The following GSE1 variants were observed in gnomAD, a reference collection of about 807,000 sequenced individuals.
The protein encoded by GSE1 is Gse1 coiled-coil protein, also known as genetic suppressor element 1.
GSE1 carries 32 observed loss-of-function variants against 112.6 expected under a neutral mutation model. That is an observed-to-expected ratio of 0.28 (90% CI 0.21 to 0.38). GSE1 has a LOEUF of 0.38. Among genes scored for constraint, GSE1 ranks in the 10% least tolerant of loss-of-function variants. GSE1 has a pLI of 1.00. For missense variants in GSE1, 2,348 were observed against 1,699.2 expected, an observed-to-expected ratio of 1.38 and a Z score of -6.71; for synonymous variants, 1,115 against 735.6, an observed-to-expected ratio of 1.52 and a Z score of -8.35.
chr16:85,475,387 C>G (rs982790594), intron 2 of GSE1, among the ~76,000 whole-genome samples: 3 of 152,332 alleles, frequency 2.0e-5, no homozygotes, highest in South Asian at 2.1e-4. Flanking sequence ...AAGGCTAGGG[C>G]GGGATGCAGG....
chr16:85,178,011 A>T (rs546791221), intron 1 of GSE1, among the ~76,000 whole-genome samples: 2 of 152,190 alleles, frequency 1.3e-5, no homozygotes, highest in Non-Finnish European at 1.5e-5. Flanking sequence ...CTCCGGGAGC[A>T]TGTGGCGCTC....
intron 1 of GSE1, among the ~76,000 whole-genome samples, chr16:85,242,482 C>T (rs371504693): frequency 7.9e-5 from 12 of 152,370 alleles, no homozygotes; most frequent in African/African-American, 2.2e-4. Flanking sequence ...GGCCTGTGCT[C>T]GGCCACTTTG....
intron 1 of GSE1, among the ~76,000 whole-genome samples, chr16:85,239,582 AC>A (rs1905008053): frequency 6.6e-6 from 1 of 152,242 alleles, no homozygotes; most frequent in Non-Finnish European, 1.5e-5. Context: ...AGGACTAAGC[AC>A]CTTCCCACCT....
chr16:85,635,957 C>T (rs1421579741), intron 2 of GSE1, among the ~76,000 whole-genome samples: 1 of 152,260 alleles, frequency 6.6e-6, no homozygotes, highest in Non-Finnish European at 1.5e-5. Flanking sequence ...AGGGCCGTCG[C>T]TTCCTCTCCG....
chr16:85,253,921 C>T (rs1441831810), intron 1 of GSE1, among the ~76,000 whole-genome samples: 1 of 152,120 alleles, frequency 6.6e-6, no homozygotes, highest in African/African-American at 2.4e-5. Context: ...GGAGGCGGCA[C>T]AGACTGGGTG....
At chr16:85,575,907 T>G (rs1236361619) in intron 1 of GSE1, among the ~76,000 whole-genome samples, 4 of 152,092 alleles carry the variant, frequency 2.6e-5, no homozygotes, top group East Asian at 3.8e-4. Context: ...TTTCTGTTTT[T>G]TTTTTTTTTT....
At chr16:85,460,786 C>T (rs1398781884) in intron 2 of GSE1, among the ~76,000 whole-genome samples, 1 of 137,924 alleles carries the variant, frequency 7.3e-6, no homozygotes, top group Non-Finnish European at 1.5e-5. Context: ...GTCCCATAAC[C>T]AGGGACGGCA....
intron 1 of GSE1, among the ~76,000 whole-genome samples, chr16:85,331,120 T>A (rs953331841): frequency 6.6e-6 from 1 of 151,700 alleles, no homozygotes; most frequent in Non-Finnish European, 1.5e-5. Context: ...TTTGTTTTTT[T>A]ATTGTTATTA....
intron 2 of GSE1, among the ~76,000 whole-genome samples, chr16:85,538,165 G>A (rs753305276): frequency 7.9e-5 from 12 of 152,244 alleles, no homozygotes; most frequent in Non-Finnish European, 1.3e-4. Flanking sequence ...GTTCTGAGCC[G>A]TTGCCGGGCC....
At chr16:85,256,524 C>T (rs1225846704) in intron 1 of GSE1, among the ~76,000 whole-genome samples, 1 of 152,236 alleles carries the variant, frequency 6.6e-6, no homozygotes, top group Non-Finnish European at 1.5e-5. Context: ...TCAGGGCCGC[C>T]CAGGCACGTT....
At chr16:85,318,098 G>T (rs887667370) in intron 1 of GSE1, among the ~76,000 whole-genome samples, 4 of 152,194 alleles carry the variant, frequency 2.6e-5, no homozygotes, top group Non-Finnish European at 5.9e-5. Flanking sequence ...GCAGGGACCT[G>T]TGCCCAAGTG....
At chr16:85,517,963 C>A (rs1334796381) in intron 2 of GSE1, among the ~76,000 whole-genome samples, 1 of 152,268 alleles carries the variant, frequency 6.6e-6, no homozygotes, top group Non-Finnish European at 1.5e-5. Context: ...TCTCTGCTCA[C>A]AGAGGATGTG....
intron 13 of GSE1, 121 bp downstream of exon 13, chr16:85,666,468 C>T (rs1451133171): frequency 2.3e-6 from 2 of 875,962 alleles, no homozygotes; most frequent in East Asian, 4.9e-5. Flanking sequence ...ACTCCAATCA[C>T]CAGAAGAAAA....
intron 2 of GSE1, among the ~76,000 whole-genome samples, chr16:85,478,876 TTTC>T (rs2050557347): frequency 7.2e-5 from 4 of 55,480 alleles, no homozygotes; most frequent in African/African-American, 5.6e-4. Flanking sequence ...TCTTTCTTTC[TTTC>T]TTTCTTTCTT....
intron 1 of GSE1, among the ~76,000 whole-genome samples, chr16:85,561,554 G>A (rs2045521935): frequency 6.6e-6 from 1 of 152,218 alleles, no homozygotes; most frequent in East Asian, 1.9e-4. Flanking sequence ...CTGCTAGAAA[G>A]GCTGCCCTCG....
At chr16:85,309,766 C>T (rs1597360613) in intron 1 of GSE1, among the ~76,000 whole-genome samples, 1 of 152,298 alleles carries the variant, frequency 6.6e-6, no homozygotes, top group South Asian at 2.1e-4. Flanking sequence ...GCAGGCTGAG[C>T]CCTGGGTCTG....
At chr16:85,391,113 C>T (rs981041393) in intron 2 of GSE1, among the ~76,000 whole-genome samples, 1 of 152,126 alleles carries the variant, frequency 6.6e-6, no homozygotes, top group African/African-American at 2.4e-5. Context: ...AGCTGGCAGC[C>T]CCAGCACCTC....
intron 2 of GSE1, among the ~76,000 whole-genome samples, chr16:85,366,673 G>C (rs531833796): frequency 6.6e-6 from 1 of 152,310 alleles, no homozygotes; most frequent in South Asian, 2.1e-4. Context: ...GTTTCCCTCA[G>C]CTGGTTCCCT....
At chr16:85,204,290 C>T (rs2075078432) in intron 1 of GSE1, among the ~76,000 whole-genome samples, 1 of 152,244 alleles carries the variant, frequency 6.6e-6, no homozygotes, top group African/African-American at 2.4e-5. Context: ...GAACTTCATT[C>T]TTCCTATGGC....
Sources: allele counts gnomAD v4.1 joint callset (sites outside exome capture counted in the v4.1 genomes callset), GRCh38; gene constraint gnomAD v4.1.1; transcripts MANE v1.5; gene names NCBI Gene and HGNC (gene_info 2026-07-23, HGNC 2026-07-21).